Variants in DOCK10 observed in about 807,000 individuals in gnomAD.
DOCK10 encodes dedicator of cytokinesis protein 10.
Under a neutral mutation model 280.1 loss-of-function variants are expected in DOCK10, and 145 were observed. The ratio of observed to expected loss-of-function variants is 0.52; its 90% CI spans 0.45 to 0.59. The LOEUF is 0.59. Among genes scored for constraint, DOCK10 ranks in the 20% least tolerant of loss-of-function variants. DOCK10 has a pLI of 0.00. For synonymous variants in DOCK10, 915 were observed against 942.2 expected (o/e 0.97, Z 0.53); for missense variants, 2,368 against 2,651.7 (o/e 0.89, Z 2.35).
At chr2:224,832,019 C>T (rs1047315077) in intron 26 of DOCK10, among the ~76,000 whole-genome samples, 1 of 152,174 alleles carries the variant, frequency 6.6e-6, no homozygotes, top group Non-Finnish European at 1.5e-5. Flanking sequence ...CCAGGATGGG[C>T]ACCCTTCTTT....
At chr2:224,986,435 G>T (rs915298306) in intron 1 of DOCK10, among the ~76,000 whole-genome samples, 2 of 152,168 alleles carry the variant, frequency 1.3e-5, no homozygotes, top group African/African-American at 4.8e-5. Context: ...GAAAGGCTAA[G>T]AGTTTAAGGG....
In DOCK10 at chr2:224,886,535, A is replaced by T; in HGVS notation, c.417-4T>A. Reference sequence around the variant, plus strand: ...CTTCTCTGGTTTGTATTCTGCTCTGATATTAAAAAAAAAAAAAGATTCTGA... The same window carrying T: ...CTTCTCTGGTTTGTATTCTGCTCTGTTATTAAAAAAAAAAAAAGATTCTGA... On this transcript the variant is annotated splice_region_variant and splice_polypyrimidine_tract_variant and intron_variant, in intron 4 of 55. Coordinates refer to ENST00000258390, the MANE Select transcript of DOCK10 (RefSeq NM_014689.3). 6.4e-7 allele frequency: 1 copy of T among 1,574,736 alleles called. No individual in the cohort carries two copies. The highest frequency in any genetic ancestry group is 8.6e-7 in the Non-Finnish European group (1 of 1,169,030).
chr2:224,780,942 CTT>C (rs1203636605), intron 50 of DOCK10, among the ~76,000 whole-genome samples: 1 of 151,746 alleles, frequency 6.6e-6, no homozygotes, highest in African/African-American at 2.4e-5. Context: ...TAACCTGTGA[CTT>C]TCTTTCATCC....
At position 224,845,221 on chromosome 2, in the gene DOCK10, T is replaced by C. The variant is rs1264232143; in HGVS notation, c.2463A>G (p.Gln821=). Residue 821 remains glutamine, a synonymous_variant, in exon 21 of 56, where the codon CAA becomes CAG. Coordinates refer to ENST00000258390, the MANE Select transcript of DOCK10 (RefSeq NM_014689.3). The stretch of plus-strand genomic sequence containing the variant: ...TCAATACCTTTCCACTTGCAGAATC[T>C]TGAAAGCTTAAATAATTAGGAGGCA... ...TSLPPNYLSF[Q]DSASGKHGGS... The C allele has an allele frequency of 6.3e-7, 1 of 1,578,532 alleles. No homozygotes were observed. The highest frequency in any genetic ancestry group is 1.2e-5 in the South Asian group (1 of 86,334).
chr2:224,983,719 G>A (rs775906850), intron 1 of DOCK10: 4 of 470,344 alleles, frequency 8.5e-6, no homozygotes, highest in Non-Finnish European at 1.8e-5. Flanking sequence ...GTTCACCCCA[G>A]AGAAGTAAAA....
chr2:224,841,162 A>G (rs1272380100), intron 23 of DOCK10, among the ~76,000 whole-genome samples: 1 of 152,174 alleles, frequency 6.6e-6, no homozygotes, highest in African/African-American at 2.4e-5. Flanking sequence ...CTAGATAGAT[A>G]GGAGGAATAT....
intron 1 of DOCK10, among the ~76,000 whole-genome samples, chr2:224,940,738 C>T (rs1443322165): frequency 1.3e-5 from 2 of 152,152 alleles, no homozygotes; most frequent in African/African-American, 4.8e-5. Flanking sequence ...TTTAAGACCC[C>T]GTTTACCTTC....
At chr2:224,979,000 T>G (rs1015937477) in intron 1 of DOCK10, among the ~76,000 whole-genome samples, 2 of 152,246 alleles carry the variant, frequency 1.3e-5, no homozygotes, top group Non-Finnish European at 2.9e-5. Flanking sequence ...CTATTGGTTC[T>G]ACTTTTGAAA....
chr2:224,921,795 T>G (rs537491275), intron 2 of DOCK10, among the ~76,000 whole-genome samples: 1 of 152,130 alleles, frequency 6.6e-6, no homozygotes, highest in East Asian at 1.9e-4. Flanking sequence ...TGCTGGAGCA[T>G]TTGTCTGAAA....
chr2:224,957,119 G>A (rs1575112784), intron 1 of DOCK10, among the ~76,000 whole-genome samples: 1 of 152,186 alleles, frequency 6.6e-6, no homozygotes, highest in East Asian at 1.9e-4. Flanking sequence ...AGCATCCCTG[G>A]CTGGCCTCTA....
intron 1 of DOCK10, among the ~76,000 whole-genome samples, chr2:224,971,266 G>T (rs902681287): frequency 6.6e-6 from 1 of 152,130 alleles, no homozygotes; most frequent in East Asian, 1.9e-4. Flanking sequence ...AGTCAACAGA[G>T]ACACGGAGGG....
chr2:225,013,737 C>A (rs945771949), intron 1 of DOCK10, among the ~76,000 whole-genome samples: 15 of 152,092 alleles, frequency 9.9e-5, no homozygotes, highest in African/African-American at 3.4e-4. Context: ...GTGCTTACTG[C>A]CAGTTTTTGA....
At chr2:224,967,333 G>A (rs927943384) in intron 1 of DOCK10, among the ~76,000 whole-genome samples, 1 of 152,104 alleles carries the variant, frequency 6.6e-6, no homozygotes, top group African/African-American at 2.4e-5. Context: ...GCCCACCTCG[G>A]CCTCCCAAAG....
chr2:224,876,020 G>A lies in DOCK10; in HGVS notation c.931+18C>T, dbSNP rs1198361576. On this transcript the variant is annotated intron_variant, in intron 8 of 55. Coordinates refer to ENST00000258390, the MANE Select transcript of DOCK10 (RefSeq NM_014689.3). ...TCACACTGGACAAAGGAAGGAAGAC[G>A]GCTTCATATGCTCTCACCCAGACCC... The A allele has an allele frequency of 8.1e-6, 13 of 1,601,804 alleles. No homozygotes were observed. Among genetic ancestry groups the A allele is most frequent in the South Asian group, 1.1e-5 (1 of 88,950 alleles).
At chr2:224,904,502 G>C (rs1162295170) in intron 3 of DOCK10, among the ~76,000 whole-genome samples, 1 of 152,046 alleles carries the variant, frequency 6.6e-6, no homozygotes, top group African/African-American at 2.4e-5. Flanking sequence ...TAGCCCTGAG[G>C]TCACACTATA....
chr2:224,847,241 C>T (rs1696425148), intron 19 of DOCK10, among the ~76,000 whole-genome samples: 1 of 152,182 alleles, frequency 6.6e-6, no homozygotes, highest in African/African-American at 2.4e-5. Context: ...CCACGTACAC[C>T]ATCATTTCAT....
intron 1 of DOCK10, among the ~76,000 whole-genome samples, chr2:224,967,270 C>A (rs1278504074): frequency 1.3e-5 from 2 of 152,032 alleles, no homozygotes; most frequent in Middle Eastern, 6.8e-3. Context: ...TCAGTAGAGA[C>A]GGGGTTTCAC....
intron 4 of DOCK10, 75 bp downstream of exon 4, chr2:224,896,220 A>G: frequency 1.1e-6 from 1 of 882,006 alleles, no homozygotes; most frequent in Non-Finnish European, 1.7e-6. Context: ...GTATTCATGA[A>G]CAATGGCAGG....
chr2:224,804,323 G>A (rs1296011604), intron 38 of DOCK10, 110 bp from the exon 39 acceptor site: 1 of 615,030 alleles, frequency 1.6e-6, no homozygotes, highest in East Asian at 3.0e-5. Flanking sequence ...TTCACATGCT[G>A]TGAATTAATC....
Sources: allele counts gnomAD v4.1 joint callset (sites outside exome capture counted in the v4.1 genomes callset), GRCh38; gene constraint gnomAD v4.1.1; transcripts MANE v1.5; gene names NCBI Gene and HGNC (gene_info 2026-07-23, HGNC 2026-07-21).